HS6ST3: variants seen among roughly 807,000 people sequenced by gnomAD.
HS6ST3 encodes the protein heparan-sulfate 6-O-sulfotransferase 3.
HS6ST3 carries 12 observed loss-of-function variants against 36.7 expected under a neutral mutation model. The observed-to-expected ratio is 0.33, with a 90% CI of 0.21 to 0.53. The LOEUF (loss-of-function observed/expected upper bound fraction) is 0.53, where lower values mean the gene tolerates loss of function less well. Ranked by LOEUF, HS6ST3 falls within the 20% of genes least tolerant of loss-of-function variation. The pLI is 0.95. For missense variants in HS6ST3, 584 were observed against 640.9 expected, an observed-to-expected ratio of 0.91 and a Z score of 0.96; for synonymous variants, 240 against 257.5, an observed-to-expected ratio of 0.93 and a Z score of 0.65.
intron 1 of HS6ST3, among the ~76,000 whole-genome samples, chr13:96,684,143 G>C (rs893409111): frequency 1.3e-5 from 2 of 152,084 alleles, no homozygotes; most frequent in African/African-American, 2.4e-5. Flanking sequence ...TTTGCTCAGA[G>C]TGAAAACATT....
At chr13:96,296,081 C>T (rs530091620) in intron 1 of HS6ST3, among the ~76,000 whole-genome samples, 1 of 152,168 alleles carries the variant, frequency 6.6e-6, no homozygotes, top group African/African-American at 2.4e-5. Context: ...AATTAAAATT[C>T]AGTTTTGCAT....
At chr13:96,332,036 C>T (rs549284148) in intron 1 of HS6ST3, among the ~76,000 whole-genome samples, 11 of 152,326 alleles carry the variant, frequency 7.2e-5, no homozygotes, top group Middle Eastern at 3.4e-3. Context: ...CGCCTTGCTT[C>T]GGCTCGCGCA....
chr13:96,321,631 CT>C (rs2055003450), intron 1 of HS6ST3, among the ~76,000 whole-genome samples: 1 of 152,164 alleles, frequency 6.6e-6, no homozygotes, highest in African/African-American at 2.4e-5. Context: ...CATTCCTGAA[CT>C]TCCTCCTCAC....
intron 1 of HS6ST3, among the ~76,000 whole-genome samples, chr13:96,772,936 G>T (rs1204669354): frequency 6.6e-6 from 1 of 152,164 alleles, no homozygotes; most frequent in Non-Finnish European, 1.5e-5. Flanking sequence ...CACAGAAGGT[G>T]GGTGATTTCT....
intron 1 of HS6ST3, among the ~76,000 whole-genome samples, chr13:96,719,267 A>T (rs1875784484): frequency 6.6e-6 from 1 of 150,502 alleles, no homozygotes; most frequent in Non-Finnish European, 1.5e-5. Context: ...GAGCAAGACT[A>T]TGTCTCAAAA....
At chr13:96,165,163 A>T (rs547781100) in intron 1 of HS6ST3, among the ~76,000 whole-genome samples, 5 of 152,272 alleles carry the variant, frequency 3.3e-5, no homozygotes, top group Admixed American at 2.0e-4. Flanking sequence ...TTCTTTTTTT[A>T]AAAGTTATTT....
At chr13:96,494,990 C>G (rs1012452104) in intron 1 of HS6ST3, among the ~76,000 whole-genome samples, 4 of 152,154 alleles carry the variant, frequency 2.6e-5, no homozygotes, top group Non-Finnish European at 4.4e-5. Flanking sequence ...TGCTCCCATC[C>G]TCTGCTTTCT....
intron 1 of HS6ST3, among the ~76,000 whole-genome samples, chr13:96,793,313 T>A (rs1877834341): frequency 6.6e-6 from 1 of 152,034 alleles, no homozygotes; most frequent in African/African-American, 2.4e-5. Context: ...GGTGCTGTTT[T>A]TTGATTGGAG....
chr13:96,494,336 TGAACAACAAGAACAATG>T, intron 1 of HS6ST3, among the ~76,000 whole-genome samples: 1 of 130,248 alleles, frequency 7.7e-6, no homozygotes, highest in Non-Finnish European at 1.5e-5. Context: ...AGGTGGGAAT[TGAACAACAAGAACAATG>T]GACACAGGAA....
At chr13:96,495,922 C>G (rs2138909219) in intron 1 of HS6ST3, among the ~76,000 whole-genome samples, 1 of 152,338 alleles carries the variant, frequency 6.6e-6, no homozygotes, top group East Asian at 1.9e-4. Flanking sequence ...GCATAAGGCC[C>G]CCACGCAAGA....
intron 1 of HS6ST3, among the ~76,000 whole-genome samples, chr13:96,516,192 C>T (rs997675273): frequency 2.6e-5 from 4 of 151,410 alleles, no homozygotes; most frequent in Non-Finnish European, 5.9e-5. Context: ...CTCCTGAGTA[C>T]CTGGGACTAG....
At chr13:96,664,657 C>A (rs1011230448) in intron 1 of HS6ST3, among the ~76,000 whole-genome samples, 1 of 152,110 alleles carries the variant, frequency 6.6e-6, no homozygotes, top group Non-Finnish European at 1.5e-5. Context: ...GTGAGGGGAT[C>A]TCTTTTGAAA....
intron 1 of HS6ST3, among the ~76,000 whole-genome samples, chr13:96,268,687 GTGAGATATTCCTATA>G (rs1235695646): frequency 6.6e-6 from 1 of 151,992 alleles, no homozygotes; most frequent in African/African-American, 2.4e-5. Flanking sequence ...GGATATAGAT[GTGAGATATTCCTATA>G]TTATACAACA....
chr13:96,219,374 G>C (rs913138129), intron 1 of HS6ST3, among the ~76,000 whole-genome samples: 6 of 152,056 alleles, frequency 3.9e-5, no homozygotes, highest in Non-Finnish European at 5.9e-5. Flanking sequence ...TTCACCTTCT[G>C]CCTAAAGCTG....
At chr13:96,488,063 G>T (rs1224185555) in intron 1 of HS6ST3, among the ~76,000 whole-genome samples, 1 of 152,200 alleles carries the variant, frequency 6.6e-6, no homozygotes, top group South Asian at 2.1e-4. Flanking sequence ...TGTATAGAAT[G>T]TTTTTCTTTG....
chr13:96,465,830 A>G (rs1253491150), intron 1 of HS6ST3, among the ~76,000 whole-genome samples: 1 of 152,228 alleles, frequency 6.6e-6, no homozygotes, highest in African/African-American at 2.4e-5. Flanking sequence ...CCAAAACATT[A>G]ACAACACTCT....
At chr13:96,405,752 G>A (rs2055475163) in intron 1 of HS6ST3, among the ~76,000 whole-genome samples, 1 of 152,130 alleles carries the variant, frequency 6.6e-6, no homozygotes, top group African/African-American at 2.4e-5. Context: ...GCCTGCCAGT[G>A]CAAAAAAGGA....
At chr13:96,361,724 C>G (rs2055239388) in intron 1 of HS6ST3, among the ~76,000 whole-genome samples, 1 of 152,142 alleles carries the variant, frequency 6.6e-6, no homozygotes, top group Admixed American at 6.5e-5. Flanking sequence ...ACAGCAAAAC[C>G]CAGTTTCTCC....
intron 1 of HS6ST3, among the ~76,000 whole-genome samples, chr13:96,407,304 G>A (rs1290440730): frequency 1.3e-5 from 2 of 152,098 alleles, no homozygotes; most frequent in Admixed American, 6.5e-5. Flanking sequence ...AGTTCTTCAG[G>A]CAGTACGTGG....
Sources: gnomAD v4.1 joint callset for allele counts (sites outside exome capture counted in the v4.1 genomes callset) on GRCh38, gnomAD v4.1.1 for gene constraint, MANE v1.5 for transcripts, NCBI Gene and HGNC (gene_info 2026-07-23, HGNC 2026-07-21) for gene names.